The following GRID2 variants were observed in gnomAD, a reference collection of about 807,000 sequenced individuals.
GRID2 encodes the protein glutamate ionotropic receptor delta type subunit 2.
In GRID2, 33 loss-of-function variants were observed where a neutral mutation model predicts 114.8. The observed-to-expected ratio is 0.29, with a 90% CI of 0.22 to 0.38. The LOEUF is 0.38. Ranked by LOEUF, GRID2 falls within the 10% of genes least tolerant of loss-of-function variation. The probability of loss-of-function intolerance (pLI) is 1.00; values close to 1 mark genes in which losing one functional copy is unlikely to be tolerated. For missense variants in GRID2, 1,184 were observed against 1,257.7 expected, an observed-to-expected ratio of 0.94 and a Z score of 0.89; for synonymous variants, 505 against 449.9, an observed-to-expected ratio of 1.12 and a Z score of -1.55.
chr4:93,515,485 G>A, intron 13 of GRID2, 74 bp downstream of exon 13: 1 of 982,358 alleles, frequency 1.0e-6, no homozygotes, highest in African/African-American at 1.7e-5. Flanking sequence ...GTTGAGATTT[G>A]TTTTTTTTGT....
chr4:93,608,967 G>A (rs932987256), intron 13 of GRID2, among the ~76,000 whole-genome samples: 1 of 121,466 alleles, frequency 8.2e-6, no homozygotes, highest in African/African-American at 3.2e-5. Context: ...ATCCTCTCCA[G>A]CACCTGTTGT....
At chr4:92,972,582 A>G (rs1486100998) in intron 2 of GRID2, among the ~76,000 whole-genome samples, 3 of 151,940 alleles carry the variant, frequency 2.0e-5, no homozygotes, top group Non-Finnish European at 4.4e-5. Flanking sequence ...TCAGTTTTCT[A>G]GCTCTCTCAG....
At chr4:92,686,449 A>G (rs1733910040) in intron 2 of GRID2, among the ~76,000 whole-genome samples, 1 of 152,108 alleles carries the variant, frequency 6.6e-6, no homozygotes, top group Non-Finnish European at 1.5e-5. Context: ...TGTCAGGTCT[A>G]TCATGTATCA....
chr4:93,553,286 C>T (rs1188563823), intron 13 of GRID2, among the ~76,000 whole-genome samples: 3 of 152,190 alleles, frequency 2.0e-5, no homozygotes, highest in Non-Finnish European at 4.4e-5. Context: ...TCCTCTCCAG[C>T]ATCTGTGGTT....
intron 2 of GRID2, among the ~76,000 whole-genome samples, chr4:92,616,827 G>T (rs1730025616): frequency 6.6e-6 from 1 of 151,192 alleles, no homozygotes; most frequent in Non-Finnish European, 1.5e-5. Context: ...ATTTTTGTTT[G>T]CTTTTTTGAT....
intron 1 of GRID2, among the ~76,000 whole-genome samples, chr4:93,801,120 G>A (rs1427358132): frequency 1.3e-5 from 2 of 152,046 alleles, no homozygotes; most frequent in Non-Finnish European, 2.9e-5. Context: ...TAATATACCT[G>A]CATGAGAGTG....
intron 9 of GRID2, among the ~76,000 whole-genome samples, chr4:93,403,499 A>G (rs1470713410): frequency 6.6e-6 from 1 of 152,194 alleles, no homozygotes; most frequent in African/African-American, 2.4e-5. Flanking sequence ...TTTAGCATAT[A>G]CAAAAATATT....
At chr4:92,980,138 A>G (rs367880482) in intron 2 of GRID2, among the ~76,000 whole-genome samples, 1 of 152,162 alleles carries the variant, frequency 6.6e-6, no homozygotes, top group African/African-American at 2.4e-5. Flanking sequence ...ATATGTTGCA[A>G]TAACTTCAAG....
chr4:92,908,819 G>T (rs1370133497), intron 2 of GRID2, among the ~76,000 whole-genome samples: 1 of 152,120 alleles, frequency 6.6e-6, no homozygotes, highest in African/African-American at 2.4e-5. Context: ...TTGTTAGGTT[G>T]TCTTAATCCT....
At chr4:93,584,230 A>G (rs966352983) in intron 13 of GRID2, among the ~76,000 whole-genome samples, 2 of 152,284 alleles carry the variant, frequency 1.3e-5, no homozygotes, top group African/African-American at 4.8e-5. Flanking sequence ...CTCTTATAAC[A>G]TAACTTTGAA....
At chr4:93,167,931 C>T (rs1362968086) in intron 4 of GRID2, among the ~76,000 whole-genome samples, 3 of 152,032 alleles carry the variant, frequency 2.0e-5, no homozygotes, top group Non-Finnish European at 4.4e-5. Flanking sequence ...CAGTGGCTCA[C>T]ACCTGTATTC....
rs144461768 is a variant in GRID2 at position 93,709,218 on chromosome 4, T to C, written c.2361-59992T>C. ...TTCAGATGATTTATTATTGCTTGTTTACTTCCTTTTCTTTCAGATTGTAAA... is the reference window on the plus strand; with the variant it reads ...TTCAGATGATTTATTATTGCTTGTTCACTTCCTTTTCTTTCAGATTGTAAA... On this transcript the variant is annotated intron_variant, in intron 14 of 15. Coordinates refer to ENST00000282020, the MANE Select transcript of GRID2 (RefSeq NM_001510.4). 5.3e-3 allele frequency among the ~76,000 whole-genome samples: 814 copies of C among 152,282 alleles called. 7 individuals carry two copies. Among genetic ancestry groups the C allele is most frequent in the African/African-American group, 0.019 (771 of 41,578 alleles).
At chr4:92,735,261 C>A (rs566549637) in intron 2 of GRID2, among the ~76,000 whole-genome samples, 1 of 152,170 alleles carries the variant, frequency 6.6e-6, no homozygotes, top group South Asian at 2.1e-4. Flanking sequence ...ATGCCTGAAG[C>A]TATGGATGCT....
chr4:93,590,687 G>T (rs1188109209), intron 13 of GRID2, among the ~76,000 whole-genome samples: 1 of 152,184 alleles, frequency 6.6e-6, no homozygotes, highest in Non-Finnish European at 1.5e-5. Context: ...CTACCCATGA[G>T]CATGGAATGT....
intron 13 of GRID2, among the ~76,000 whole-genome samples, chr4:93,595,733 C>G (rs542040170): frequency 6.6e-6 from 1 of 151,986 alleles, no homozygotes; most frequent in Non-Finnish European, 1.5e-5. Context: ...ATAATATTAC[C>G]GTGAAAATAT....
At chr4:92,605,022 T>C (rs771964685) in intron 2 of GRID2, among the ~76,000 whole-genome samples, 1 of 152,208 alleles carries the variant, frequency 6.6e-6, no homozygotes, top group South Asian at 2.1e-4. Flanking sequence ...TTGCTTAGTA[T>C]TTCTCCTTCC....
chr4:93,589,192 C>T (rs1737875559), intron 13 of GRID2, among the ~76,000 whole-genome samples: 1 of 112,760 alleles, frequency 8.9e-6, no homozygotes. Context: ...CCAATGCTAT[C>T]CCTCCCCCCT....
chr4:92,822,515 A>G lies in GRID2; in HGVS notation c.244+232229A>G, dbSNP rs966900847. 3.3e-5 allele frequency: 12 copies of G among 368,450 alleles called. No individual in the cohort carries two copies. In the Admixed American group the frequency reaches 3.8e-4, roughly 12 times the overall value. The allele number at this position is 368,450 out of a possible 1,614,324, so 22.8% of individuals were successfully genotyped here. A position where few individuals can be genotyped will look rare whatever the true frequency, so the allele number is the denominator to read the frequency against. On this transcript the variant is annotated intron_variant, in intron 2 of 15. Transcript: ENST00000282020. ...CTCTCCACCTGGACAGTGTATTTGT[A>G]TATACTCAGGGTTATAACCATAACT... is the stretch of plus-strand genomic sequence containing the variant.
At chr4:93,538,978 ATAG>A (rs896817813) in intron 13 of GRID2, among the ~76,000 whole-genome samples, 26 of 151,914 alleles carry the variant, frequency 1.7e-4, no homozygotes, top group African/African-American at 6.3e-4. Context: ...CAAATGTACC[ATAG>A]TAATGTAAGA....
Sources: allele counts gnomAD v4.1 joint callset (sites outside exome capture counted in the v4.1 genomes callset), GRCh38; gene constraint gnomAD v4.1.1; transcripts MANE v1.5; gene names NCBI Gene and HGNC (gene_info 2026-07-23, HGNC 2026-07-21).